Variants in VARS1 observed in about 807,000 individuals in gnomAD.
The protein encoded by VARS1 is valyl-tRNA synthetase 1.
In VARS1, 92 loss-of-function variants were observed where a neutral mutation model predicts 161.0. The ratio of observed to expected loss-of-function variants is 0.57; its 90% CI spans 0.48 to 0.68. VARS1 has a LOEUF of 0.68. Ranked by LOEUF, VARS1 falls within the 30% of genes least tolerant of loss-of-function variation. The pLI is 0.00. For missense variants in VARS1, 1,338 were observed against 1,695.9 expected, an observed-to-expected ratio of 0.79 and a Z score of 3.71; for synonymous variants, 595 against 682.5, an observed-to-expected ratio of 0.87 and a Z score of 2.00.
Position 31,784,583 on chromosome 6 carries a change from T to TGG in VARS1, c.1467+10_1467+11dup, listed in dbSNP as rs754422037. On this transcript the variant is annotated intron_variant, in intron 11 of 29. Transcript: ENST00000375663. The surrounding 1 kb of genome is among the most constrained non-coding windows in gnomAD (Gnocchi z 6.1). ...GATTGGAGATGGAGACAGGCCAGGTTGGGGGGCGCACCTCAATGTCAGAGA... is the reference window on the plus strand; with the variant it reads ...GATTGGAGATGGAGACAGGCCAGGTTGGGGGGGGCGCACCTCAATGTCAGAGA... 6.2e-7 allele frequency: 1 copy of TGG among 1,613,194 alleles called. No individual in the cohort carries two copies. Among genetic ancestry groups the TGG allele is most frequent in the South Asian group, 1.1e-5 (1 of 91,078 alleles).
In VARS1 at chr6:31,779,109, A is replaced by C. The variant is rs903673048; in HGVS notation, c.3584T>G (p.Val1195Gly). Reference protein sequence around the residue: ...CSIHLQLQGLVDPARELGKLQ... With the variant: ...CSIHLQLQGLGDPARELGKLQ... ...CTTGCCCAGCTCCCGTGCAGGGTCC[A>C]CCAGCCCCTGAAGCTGCAGGTGGAT... Residue 1195 changes from valine to glycine, a missense_variant, in exon 29 of 30, where the codon GTG (valine) becomes GGG (glycine). Val to Gly is a moderately radical substitution (Grantham distance 109). This residue lies in a region of VARS1 where 433 missense variants were observed against 586.2 expected (regional missense o/e 0.74). Transcript: ENST00000375663. The surrounding 1 kb of genome is among the most constrained non-coding windows in gnomAD (Gnocchi z 9.1). 5 of 1,609,194 alleles carry C rather than the reference A, an allele frequency of 3.1e-6. No homozygotes were observed. The highest frequency in any genetic ancestry group is 4.2e-6 in the Non-Finnish European group (5 of 1,178,146).
intron 2 of VARS1, among the ~76,000 whole-genome samples, chr6:31,794,516 G>A (rs1814125523): frequency 1.3e-5 from 2 of 152,038 alleles, no homozygotes; most frequent in African/African-American, 4.8e-5. Context: ...ATCAATTTCA[G>A]ACTCATCAAA....
In VARS1 at chr6:31,777,837, C is replaced by T; in HGVS notation, c.3727-175G>A. On this transcript the variant is annotated intron_variant, in intron 29 of 29. Coordinates refer to ENST00000375663, the MANE Select transcript of VARS1 (RefSeq NM_006295.3). The surrounding 1 kb of genome is among the most constrained non-coding windows in gnomAD (Gnocchi z 5.8). ...CCATTCCCACCAGCACCCCCACTTC[C>T]ACCACCACCTCTTGGGTCTTGCCTT... is the stretch of plus-strand genomic sequence containing the variant. 1 of 659,760 alleles carries T rather than the reference C, an allele frequency of 1.5e-6. No homozygotes were observed. Among genetic ancestry groups the T allele is most frequent in the South Asian group, 1.8e-5 (1 of 55,276 alleles). 40.9% of individuals were successfully genotyped at this position (659,760 alleles called of 1,614,324 possible).
rs770826721 is a variant in VARS1, at chr6:31,782,055, G to C, written c.2241+32C>G. The C allele has an allele frequency of 6.2e-6, 10 of 1,612,128 alleles. No homozygotes were observed. The highest frequency in any genetic ancestry group is 8.5e-6 in the Non-Finnish European group (10 of 1,178,986). Reference sequence around the variant, plus strand: ...AGTAAACCCACCACTCCAGCAGGGTGTCCCAGCAGCTAGCTCTGGCCCTCT... The same window carrying C: ...AGTAAACCCACCACTCCAGCAGGGTCTCCCAGCAGCTAGCTCTGGCCCTCT... On this transcript the variant is annotated intron_variant, in intron 18 of 29. Coordinates refer to ENST00000375663, the MANE Select transcript of VARS1 (RefSeq NM_006295.3). The surrounding 1 kb of genome is among the most constrained non-coding windows in gnomAD (Gnocchi z 8.3).
rs1250801544 is a variant in VARS1, at chr6:31,779,558, G to A, written c.3289-22C>T. ...AGCACTGTGGGGTGGAGGAGGGGGTGAGGGGGCCTGGAGGGCAGGTCAGAC... is the reference window on the plus strand; with the variant it reads ...AGCACTGTGGGGTGGAGGAGGGGGTAAGGGGGCCTGGAGGGCAGGTCAGAC... On this transcript the variant is annotated intron_variant, in intron 27 of 29. Coordinates refer to ENST00000375663, the MANE Select transcript of VARS1 (RefSeq NM_006295.3). The surrounding 1 kb of genome is among the most constrained non-coding windows in gnomAD (Gnocchi z 9.1). 6.2e-7 allele frequency: 1 copy of A among 1,611,858 alleles called. No individual in the cohort carries two copies. The highest frequency in any genetic ancestry group is 2.2e-5 in the East Asian group (1 of 44,838).
rs1427052901 is a variant in VARS1, at chr6:31,782,514, A to G, written c.1991+16T>C. On this transcript the variant is annotated intron_variant, in intron 16 of 29. Transcript: ENST00000375663. The surrounding 1 kb of genome is among the most constrained non-coding windows in gnomAD (Gnocchi z 8.3). Reference sequence around the variant, plus strand: ...GAGCCCTCCATCTTCCTCCCGTCCCAGGCCCCCACCCTCACTTGCAAAGTG... The same window carrying G: ...GAGCCCTCCATCTTCCTCCCGTCCCGGGCCCCCACCCTCACTTGCAAAGTG... 2.5e-6 allele frequency: 4 copies of G among 1,612,894 alleles called. No individual in the cohort carries two copies. Among genetic ancestry groups the G allele is most frequent in the Non-Finnish European group, 3.4e-6 (4 of 1,179,982 alleles).
Position 31,785,287 on chromosome 6 carries a change from T to C in VARS1, c.1306A>G (p.Ser436Gly). ...CAGGCTCGATCCCAGTCCAAGGAGC[T>C]GCCAAGCTTCTTCAACTGGTGGTAA... ...RIYHQLKKLG[S>G]SLDWDRACFT... The change falls in exon 10 of 30, where the codon AGC (serine) becomes GGC (glycine). Residue 436 changes from serine to glycine, a missense_variant. This residue lies in a region of VARS1 where 902 missense variants were observed against 1,090.3 expected (regional missense o/e 0.83). Transcript: ENST00000375663. This position sits in a 1 kb window ranked among gnomAD's most constrained non-coding sequence, Gnocchi z 6.1. 2 of 1,613,070 alleles carry C rather than the reference T, an allele frequency of 1.2e-6. No homozygotes were observed. Among genetic ancestry groups the C allele is most frequent in the Non-Finnish European group, 1.7e-6 (2 of 1,180,026 alleles).
At position 31,795,433 on chromosome 6, in the gene VARS1, G is replaced by A. The variant is rs1814216780; in HGVS notation, c.-34+113C>T. The A allele has an allele frequency of 7.5e-6, 3 of 402,306 alleles. No individual in the cohort carries two copies. The highest frequency in any genetic ancestry group is 1.3e-5 in the Non-Finnish European group (3 of 229,850). 24.9% of individuals were successfully genotyped at this position (402,306 alleles called of 1,614,324 possible). ...CTCTCAGAGGGGCAGTGTCAGTGGG[G>A]AGTTCCTGGGGAAGAGGAACTATCC... On this transcript the variant is annotated intron_variant, in intron 1 of 29. Transcript: ENST00000375663. This position sits in a 1 kb window ranked among gnomAD's most constrained non-coding sequence, Gnocchi z 6.9.
rs372267673 is a variant in VARS1, at chr6:31,782,097, G to A, written c.2231C>T (p.Pro744Leu). 4 of 1,613,722 alleles carry A rather than the reference G, an allele frequency of 2.5e-6. No individual in the cohort carries two copies. The African/African-American group carries it at 4.0e-5, about 16-fold the overall frequency. Residue 744 changes from proline (P) to leucine (L), a missense_variant, in exon 18 of 30, where the codon CCC (proline) becomes CTC (leucine). Around this residue, in one of 3 missense-constraint regions of VARS1, gnomAD observed 902 missense variants for 1,090.3 expected, o/e 0.83. Transcript: ENST00000375663. The surrounding 1 kb of genome is among the most constrained non-coding windows in gnomAD (Gnocchi z 8.3). The part of the protein sequence containing the change: ...YFVTVSDPAV[P>L]PGEDPDGRYW... Reference sequence around the variant, plus strand: ...TGGCCCTCTGCTCACCTCCCCAGGGGGCACCGCTGGGTCACTGACAGTGAC... The same window carrying A: ...TGGCCCTCTGCTCACCTCCCCAGGGAGCACCGCTGGGTCACTGACAGTGAC...
chr6:31,782,852 G>A lies in VARS1; in HGVS notation c.1763-7C>T, dbSNP rs1436282763. ...GGGGTGATCTTCACAGCACCTGGGTGTACATCAGGATGCCCAGGTCATGAG... is the reference window on the plus strand; with the variant it reads ...GGGGTGATCTTCACAGCACCTGGGTATACATCAGGATGCCCAGGTCATGAG... On this transcript the variant is annotated splice_region_variant and splice_polypyrimidine_tract_variant and intron_variant, in intron 14 of 29. Coordinates refer to ENST00000375663, the MANE Select transcript of VARS1 (RefSeq NM_006295.3). The surrounding 1 kb of genome is among the most constrained non-coding windows in gnomAD (Gnocchi z 8.3). 6.2e-7 allele frequency: 1 copy of A among 1,608,322 alleles called. No individual in the cohort carries two copies. The highest frequency in any genetic ancestry group is 1.1e-5 in the South Asian group (1 of 90,280).
At chr6:31,794,011 G>A (rs1218821033) in intron 2 of VARS1, among the ~76,000 whole-genome samples, 1 of 151,116 alleles carries the variant, frequency 6.6e-6, no homozygotes, top group Non-Finnish European at 1.5e-5. Context: ...GGCTGAGGCA[G>A]GAGAATCGCT....
At position 31,782,021 on chromosome 6, in the gene VARS1, C is replaced by CA; in HGVS notation, c.2241+65dup. The CA allele has an allele frequency of 6.2e-7, 1 of 1,612,464 alleles. No homozygotes were observed. The highest frequency in any genetic ancestry group is 8.5e-7 in the Non-Finnish European group (1 of 1,179,364). On this transcript the variant is annotated intron_variant, in intron 18 of 29. Transcript: ENST00000375663. This position sits in a 1 kb window ranked among gnomAD's most constrained non-coding sequence, Gnocchi z 8.3. ...TGGCTCACCCTGCCCCTCCCCCCAC[C>CA]AAGGACCCAGTAAACCCACCACTCC...
At position 31,791,275 on chromosome 6, in the gene VARS1, T is replaced by TCTG. The variant is rs1480884859; in HGVS notation, c.1100+332_1100+334dup. On this transcript the variant is annotated intron_variant, in intron 8 of 29. Transcript: ENST00000375663. This position sits in a 1 kb window ranked among gnomAD's most constrained non-coding sequence, Gnocchi z 5.0. ...ACCTATAATCCCAGCACTCTGGGAG[T>TCTG]CTGAGACAGGAGAATCACTTGAGCC... Among the ~76,000 whole-genome samples, 2 of 151,596 alleles carry TCTG rather than the reference T, an allele frequency of 1.3e-5. No homozygotes were observed.
At chr6:31,788,484 G>A (rs1380649124) in intron 8 of VARS1, among the ~76,000 whole-genome samples, 2 of 147,432 alleles carry the variant, frequency 1.4e-5, no homozygotes, top group East Asian at 4.0e-4. Context: ...AACCGAGAGA[G>A]ACTCTGTCTC....
intron 8 of VARS1, among the ~76,000 whole-genome samples, chr6:31,790,602 CAAAAAAAAAAAAAAAAAA>C (rs9279419): frequency 2.3e-5 from 1 of 43,410 alleles, no homozygotes; most frequent in Admixed American, 4.0e-4. Context: ...AACTCTGTCT[CAAAAAAAAAAAAAAAAAA>C]AAAAAAAAAA....
In VARS1 at chr6:31,778,758, T is replaced by G. The variant is rs1205650841; in HGVS notation, c.3726+209A>C. On this transcript the variant is annotated intron_variant, in intron 29 of 29. Coordinates refer to ENST00000375663, the MANE Select transcript of VARS1 (RefSeq NM_006295.3). This position sits in a 1 kb window ranked among gnomAD's most constrained non-coding sequence, Gnocchi z 5.1. ...CTGGGCTCAAGTGATCCACCCACCT[T>G]GGCCTCCCAAATTTCTGGGATTACA... The G allele has an allele frequency of 3.1e-6, 2 of 653,894 alleles. No individual in the cohort carries two copies. Among genetic ancestry groups the G allele is most frequent in the African/African-American group, 1.8e-5 (1 of 54,468 alleles). The allele number at this position is 653,894 out of a possible 1,614,324, so 40.5% of individuals were successfully genotyped here.
At position 31,781,987 on chromosome 6, in the gene VARS1, G is replaced by A. The variant is rs1384152350; in HGVS notation, c.2242-35C>T. ...GTGCAGTGATTACCCAAGGGGGTGTGTCTGCTTCTGGCTCACCCTGCCCCT... is the reference window on the plus strand; with the variant it reads ...GTGCAGTGATTACCCAAGGGGGTGTATCTGCTTCTGGCTCACCCTGCCCCT... On this transcript the variant is annotated intron_variant, in intron 18 of 29. Transcript: ENST00000375663. This position sits in a 1 kb window ranked among gnomAD's most constrained non-coding sequence, Gnocchi z 6.8. The A allele has an allele frequency of 6.2e-7, 1 of 1,613,014 alleles. No homozygotes were observed. Among genetic ancestry groups the A allele is most frequent in the Non-Finnish European group, 8.5e-7 (1 of 1,179,882 alleles).
chr6:31,783,245 C>T (rs1813281423), intron 13 of VARS1, 59 bp from the exon 14 acceptor site: 35 of 1,561,484 alleles, frequency 2.2e-5, no homozygotes, highest in Non-Finnish European at 2.8e-5. Flanking sequence ...TGATTCCCAC[C>T]TGTAATCCCA....
chr6:31,779,172 T>G lies in VARS1; in HGVS notation c.3521A>C (p.Gln1174Pro), dbSNP rs1562291551. ...AGAAGCCAGAGCCACAGCGCAACCC[T>G]GGGGGGCGGGAGCCCCCAGGGCCAG... ...AVLALGAPAP[Q>P]GCAVALASDR... is the part of the protein sequence containing the mutation. Residue 1174 changes from glutamine to proline, a missense_variant, in exon 29 of 30, where the codon CAG becomes CCG. Gln to Pro is a moderately conservative substitution (Grantham distance 76). Around this residue, in one of 3 missense-constraint regions of VARS1, gnomAD observed 433 missense variants for 586.2 expected, o/e 0.74. Transcript: ENST00000375663. This position sits in a 1 kb window ranked among gnomAD's most constrained non-coding sequence, Gnocchi z 9.1. 6.2e-7 allele frequency: 1 copy of G among 1,604,896 alleles called. No homozygotes were observed. The highest frequency in any genetic ancestry group is 1.7e-5 in the Admixed American group (1 of 58,262).
Sources: allele counts gnomAD v4.1 joint callset (sites outside exome capture counted in the v4.1 genomes callset), GRCh38; gene constraint gnomAD v4.1.1; regional missense constraint gnomAD v4.1.1; non-coding constraint Gnocchi (gnomAD v3.1); transcripts MANE v1.5; gene names NCBI Gene and HGNC (gene_info 2026-07-23, HGNC 2026-07-21).